Variants in GALNT17 observed in about 807,000 individuals in gnomAD.
GALNT17 encodes UDP-GalNAc:polypeptide N-acetylgalactosaminyltransferase-like 3.
Under a neutral mutation model 63.7 loss-of-function variants are expected in GALNT17, and 29 were observed. That is an observed-to-expected ratio of 0.46 (90% CI 0.34 to 0.62). The LOEUF is 0.62. GALNT17 is among the 20% of genes least tolerant of loss of function. The probability of loss-of-function intolerance (pLI) is 0.01; values close to 1 mark genes in which losing one functional copy is unlikely to be tolerated. For synonymous variants in GALNT17, 305 were observed against 318.3 expected (o/e 0.96, Z 0.45); for missense variants, 603 against 799.6 (o/e 0.75, Z 2.97).
intron 2 of GALNT17, among the ~76,000 whole-genome samples, chr7:71,346,504 G>C (rs1367609907): frequency 6.6e-6 from 1 of 152,000 alleles, no homozygotes; most frequent in African/African-American, 2.4e-5. Context: ...TTGTAAATGA[G>C]GCAAGGTGGC....
intron 2 of GALNT17, among the ~76,000 whole-genome samples, chr7:71,350,624 T>TA (rs1792173523): frequency 6.6e-6 from 1 of 152,330 alleles, no homozygotes; most frequent in South Asian, 2.1e-4. Context: ...ATCTAGAGAT[T>TA]ATTTAAAGTA....
intron 9 of GALNT17, among the ~76,000 whole-genome samples, chr7:71,693,247 TATACACACACACAC>T (rs1311985309): frequency 5.6e-5 from 6 of 107,408 alleles, no homozygotes; most frequent in Admixed American, 1.1e-4. Flanking sequence ...TACACATATA[TATACACACACACAC>T]ATACACACAC....
At chr7:71,514,950 T>C (rs1024991314) in intron 5 of GALNT17, among the ~76,000 whole-genome samples, 1 of 152,178 alleles carries the variant, frequency 6.6e-6, no homozygotes, top group African/African-American at 2.4e-5. Flanking sequence ...GTTCTTGTGA[T>C]AGTGCATAAA....
intron 7 of GALNT17, among the ~76,000 whole-genome samples, chr7:71,666,811 TTA>T (rs1554321519): frequency 6.6e-6 from 1 of 151,914 alleles, no homozygotes; most frequent in African/African-American, 2.4e-5. Context: ...TTTGTATTTT[TTA>T]TTGTTGTATT....
chr7:71,354,571 A>T (rs1792248294), intron 2 of GALNT17, among the ~76,000 whole-genome samples: 1 of 152,146 alleles, frequency 6.6e-6, no homozygotes, highest in Non-Finnish European at 1.5e-5. Flanking sequence ...TATTAATGGA[A>T]TTTATTCCAT....
At chr7:71,243,060 G>A (rs1172658884) in intron 1 of GALNT17, among the ~76,000 whole-genome samples, 1 of 152,150 alleles carries the variant, frequency 6.6e-6, no homozygotes, top group African/African-American at 2.4e-5. Flanking sequence ...TACATGTTGA[G>A]GGAGGGTCCA....
chr7:71,342,901 T>G (rs1792030174), intron 2 of GALNT17, among the ~76,000 whole-genome samples: 1 of 152,162 alleles, frequency 6.6e-6, no homozygotes, highest in African/African-American at 2.4e-5. Flanking sequence ...TACCAAAAAA[T>G]GCAAGATGTG....
intron 5 of GALNT17, among the ~76,000 whole-genome samples, chr7:71,564,838 A>G (rs935544938): frequency 5.3e-5 from 8 of 152,196 alleles, no homozygotes; most frequent in African/African-American, 1.9e-4. Flanking sequence ...CCCAGGACTC[A>G]GAGAACCCTG....
intron 1 of GALNT17, among the ~76,000 whole-genome samples, chr7:71,150,376 G>A (rs1788107299): frequency 6.6e-6 from 1 of 152,176 alleles, no homozygotes; most frequent in Middle Eastern, 3.4e-3. Flanking sequence ...AGGCTCCCCT[G>A]CAGTTAGATA....
intron 5 of GALNT17, among the ~76,000 whole-genome samples, chr7:71,517,530 A>C (rs746749745): frequency 4.6e-5 from 7 of 152,238 alleles, no homozygotes; most frequent in Non-Finnish European, 1.0e-4. Flanking sequence ...AAATATAGGA[A>C]TGACAGAACT....
chr7:71,603,589 CATGCTAAGTGCATACACCAGGTACT>C (rs1218587360), intron 6 of GALNT17, among the ~76,000 whole-genome samples: 2 of 142,316 alleles, frequency 1.4e-5, no homozygotes, highest in Admixed American at 6.9e-5. Context: ...TGCTGGATAC[CATGCTAAGTGCATACACCAGGTACT>C]ATGCTAAGTG....
At chr7:71,160,748 C>T (rs552734549) in intron 1 of GALNT17, among the ~76,000 whole-genome samples, 9 of 152,106 alleles carry the variant, frequency 5.9e-5, no homozygotes, top group African/African-American at 1.7e-4. Context: ...CGTGAGCCAC[C>T]GCGCACGGCC....
At chr7:71,549,879 A>C (rs1388462532) in intron 5 of GALNT17, among the ~76,000 whole-genome samples, 1 of 151,804 alleles carries the variant, frequency 6.6e-6, no homozygotes, top group Non-Finnish European at 1.5e-5. Context: ...CCGTAAAAGC[A>C]TCCAGAGAAA....
At position 71,555,288 on chromosome 7, in the gene GALNT17, C is replaced by T. The variant is rs562028699; in HGVS notation, c.963-15997C>T. ...CAGTCTTTTGGGGCACTGGAACTTT[C>T]CCATATGTCAGTACTTCTCAACCCT... is the stretch of plus-strand genomic sequence containing the variant. On this transcript the variant is annotated intron_variant, in intron 5 of 10. Coordinates refer to ENST00000333538, the MANE Select transcript of GALNT17 (RefSeq NM_022479.3). 5.3e-5 allele frequency among the ~76,000 whole-genome samples: 8 copies of T among 151,768 alleles called. No individual in the cohort carries two copies. The East Asian group carries it at 1.6e-3, about 30-fold the overall frequency.
At chr7:71,386,982 A>G (rs574835932) in intron 2 of GALNT17, among the ~76,000 whole-genome samples, 54 of 152,208 alleles carry the variant, frequency 3.5e-4, no homozygotes, top group African/African-American at 1.3e-3. Context: ...ACAGAGCCTG[A>G]AACAAAGGGT....
chr7:71,645,665 G>A (rs1460674745), intron 6 of GALNT17, among the ~76,000 whole-genome samples: 1 of 152,146 alleles, frequency 6.6e-6, no homozygotes, highest in Admixed American at 6.6e-5. Flanking sequence ...GAACAAAATA[G>A]AAGTTTCCAT....
At chr7:71,652,195 C>T (rs1790763698) in intron 6 of GALNT17, among the ~76,000 whole-genome samples, 2 of 152,010 alleles carry the variant, frequency 1.3e-5, no homozygotes, top group Admixed American at 1.3e-4. Context: ...CTTAATTCCT[C>T]TTGCCAGTCA....
intron 1 of GALNT17, among the ~76,000 whole-genome samples, chr7:71,162,123 C>CCTTCCTTCCTCCCTT (rs1788357249): frequency 2.0e-4 from 11 of 53,780 alleles, no homozygotes; most frequent in African/African-American, 1.2e-3. Flanking sequence ...CTCCCTCCCT[C>CCTTCCTTCCTCCCTT]CCTTCCTTCC....
At chr7:71,423,509 G>A (rs1309810153) in intron 5 of GALNT17, among the ~76,000 whole-genome samples, 5 of 152,182 alleles carry the variant, frequency 3.3e-5, no homozygotes, top group African/African-American at 1.2e-4. Flanking sequence ...TTTTAGGGGT[G>A]TGCTTGTTGG....
Sources: allele counts gnomAD v4.1 joint callset (sites outside exome capture counted in the v4.1 genomes callset), GRCh38; gene constraint gnomAD v4.1.1; transcripts MANE v1.5; gene names NCBI Gene and HGNC (gene_info 2026-07-23, HGNC 2026-07-21).